The following COL6A6 variants were observed in gnomAD, a reference collection of about 807,000 sequenced individuals.
COL6A6 encodes the protein collagen alpha-6(VI) chain.
COL6A6 carries 183 observed loss-of-function variants against 208.6 expected under a neutral mutation model. The observed-to-expected ratio is 0.88, with a 90% confidence interval of 0.78 to 0.99. The LOEUF is 0.99. Among genes scored for constraint, COL6A6 ranks in the 50% least tolerant of loss-of-function variants. The probability of loss-of-function intolerance (pLI) is 0.00; values close to 1 mark genes in which losing one functional copy is unlikely to be tolerated. For missense variants in COL6A6, 2,816 were observed against 2,815.2 expected, an observed-to-expected ratio of 1.00 and a Z score of -0.01; for synonymous variants, 973 against 1,011.8, an observed-to-expected ratio of 0.96 and a Z score of 0.73.
Position 130,592,616 on chromosome 3 carries a change from A to G in COL6A6, c.4344+4A>G. ...CTATGGCACCAAAGGTCCTAAGGTA[A>G]GGATTGCATAAGAGTGTGGAGTTTT... On this transcript the variant is annotated splice_donor_region_variant and intron_variant, in intron 14 of 36. Transcript: ENST00000358511. The G allele has an allele frequency of 3.1e-6, 5 of 1,613,528 alleles. No individual in the cohort carries two copies. The highest frequency in any genetic ancestry group is 3.4e-6 in the Non-Finnish European group (4 of 1,179,514).
At chr3:130,559,210 T>A (rs1169322662) in intron 1 of COL6A6, among the ~76,000 whole-genome samples, 1 of 152,210 alleles carries the variant, frequency 6.6e-6, no homozygotes, top group Non-Finnish European at 1.5e-5. Flanking sequence ...CTTCGGGAAA[T>A]CCACTTTGGG....
chr3:130,533,969 C>T (rs1459544964), intron 1 of COL6A6, among the ~76,000 whole-genome samples: 3 of 152,320 alleles, frequency 2.0e-5, no homozygotes, highest in African/African-American at 7.2e-5. Context: ...TTAACCTCTG[C>T]ATGAACATTA....
At chr3:130,538,231 AGG>A (rs36119863) in intron 1 of COL6A6, among the ~76,000 whole-genome samples, 3 of 152,336 alleles carry the variant, frequency 2.0e-5, no homozygotes, top group Non-Finnish European at 2.9e-5. Flanking sequence ...CCTACTTTAC[AGG>A]GGTACTCTCA....
chr3:130,671,741 TGTA>T (rs1469644200), intron 36 of COL6A6, among the ~76,000 whole-genome samples: 1 of 152,192 alleles, frequency 6.6e-6, no homozygotes, highest in African/African-American at 2.4e-5. Context: ...GAGAAATACA[TGTA>T]GAAGCTGGTG....
chr3:130,631,225 C>T (rs1450715823), intron 26 of COL6A6, among the ~76,000 whole-genome samples: 2 of 89,694 alleles, frequency 2.2e-5, no homozygotes, highest in South Asian at 3.7e-4. Context: ...ATATCACCAC[C>T]GATCCCACAG....
chr3:130,640,982 A>T (rs1262468959), intron 28 of COL6A6, among the ~76,000 whole-genome samples: 1 of 152,228 alleles, frequency 6.6e-6, no homozygotes, highest in Non-Finnish European at 1.5e-5. Flanking sequence ...TTATGCATAT[A>T]ACTTTATAAT....
At chr3:130,649,696 ATAAG>A in intron 33 of COL6A6, 134 bp downstream of exon 33, 2 of 905,996 alleles carry the variant, frequency 2.2e-6, no homozygotes, top group Non-Finnish European at 3.2e-6. Context: ...GCAGAGTAGA[ATAAG>A]TATTTCTTAC....
rs147239987 is a variant in COL6A6, at chr3:130,590,907, T to C, written c.4219-134T>C. 4.7e-4 allele frequency: 326 copies of C among 698,846 alleles called. 4 individuals are homozygous for C. In the East Asian group the frequency reaches 8.5e-3, roughly 18 times the overall value. The allele number at this position is 698,846 out of a possible 1,614,324, so 43.3% of individuals were successfully genotyped here. A position where few individuals can be genotyped will look rare whatever the true frequency, so the allele number is the denominator to read the frequency against. ...TTTATGTGTGTAAATGCAACCTACA[T>C]TGGGAAGGAAGGACCATTTTTTTCA... On this transcript the variant is annotated intron_variant, in intron 12 of 36. Transcript: ENST00000358511.
chr3:130,589,204 G>T, intron 12 of COL6A6, 22 bp downstream of exon 12: 1 of 1,566,522 alleles, frequency 6.4e-7, no homozygotes, highest in Non-Finnish European at 8.8e-7. Flanking sequence ...TCAGATTTAT[G>T]GGTTACTTTG....
At chr3:130,663,773 T>C (rs1019058246) in intron 35 of COL6A6, among the ~76,000 whole-genome samples, 1 of 152,122 alleles carries the variant, frequency 6.6e-6, no homozygotes, top group African/African-American at 2.4e-5. Context: ...AAAAAGTACT[T>C]AGGGTACATG....
intron 1 of COL6A6, among the ~76,000 whole-genome samples, chr3:130,533,718 T>G (rs2062160301): frequency 6.6e-6 from 1 of 152,214 alleles, no homozygotes; most frequent in Non-Finnish European, 1.5e-5. Context: ...GCTTAAACAC[T>G]TGGTATTTTG....
intron 10 of COL6A6, among the ~76,000 whole-genome samples, chr3:130,584,304 G>C (rs1455733377): frequency 6.6e-6 from 1 of 152,030 alleles, no homozygotes; most frequent in Non-Finnish European, 1.5e-5. Context: ...CATTTCCTGG[G>C]TATTATAAGA....
chr3:130,536,826 A>G (rs1035292958), intron 1 of COL6A6, among the ~76,000 whole-genome samples: 4 of 152,244 alleles, frequency 2.6e-5, no homozygotes, highest in African/African-American at 7.2e-5. Context: ...GTTTAAAATG[A>G]AGCACACTTG....
intron 33 of COL6A6, among the ~76,000 whole-genome samples, chr3:130,658,232 G>C (rs1362336036): frequency 6.6e-6 from 1 of 152,198 alleles, no homozygotes; most frequent in Non-Finnish European, 1.5e-5. Flanking sequence ...AATGGCTTCA[G>C]TGTCTTTTGA....
chr3:130,542,898 C>CTTTTTTTTT (rs56339748), intron 1 of COL6A6, among the ~76,000 whole-genome samples: 15 of 92,600 alleles, frequency 1.6e-4, no homozygotes, highest in African/African-American at 6.2e-4. Flanking sequence ...TCCATTCACT[C>CTTTTTTTTT]TTTTTTTTTT....
chr3:130,649,504 A>G lies in COL6A6; in HGVS notation c.5675A>G (p.Glu1892Gly). 1 of 1,606,498 alleles carries G rather than the reference A, an allele frequency of 6.2e-7. No homozygotes were observed. The highest frequency in any genetic ancestry group is 1.3e-5 in the African/African-American group (1 of 74,950). ...GCTGCCATGGAGTTCGGCGCGCTTG[A>G]AATCATTCCCGTGGTGATCACTTTC... is the stretch of plus-strand genomic sequence containing the variant. ...TTAAMEFGALEIIPVVITFSN... is the reference protein window; with the variant it reads ...TTAAMEFGALGIIPVVITFSN... The change falls in exon 33 of 37, where the codon GAA becomes GGA. Residue 1892 changes from glutamate (E) to glycine (G), a missense_variant. Glu to Gly is a moderately conservative substitution (Grantham distance 98). Transcript: ENST00000358511.
chr3:130,554,719 TCTTC>T (rs1559982302), intron 1 of COL6A6, among the ~76,000 whole-genome samples: 1 of 151,924 alleles, frequency 6.6e-6, no homozygotes, highest in Non-Finnish European at 1.5e-5. Context: ...GGAGGTGAGG[TCTTC>T]TCATGTGCAT....
rs777327668 is a variant in COL6A6 at position 130,560,389 on chromosome 3, G to T, written c.25G>T (p.Val9Leu). The T allele has an allele frequency of 1.2e-6, 2 of 1,611,332 alleles. No individual in the cohort carries two copies. Among genetic ancestry groups the T allele is most frequent in the Non-Finnish European group, 1.7e-6 (2 of 1,178,966 alleles). ...TATGATGTTGCTAATTTTGTTCCTC[G>T]TGATAATTTGTTCCCATATTTCTGT... The part of the protein sequence containing the change: MMLLILFL[V>L]IICSHISVNQ... Residue 9 changes from valine to leucine, a missense_variant, in exon 2 of 37, where the codon GTG (valine) becomes TTG (leucine). Transcript: ENST00000358511.
intron 2 of COL6A6, among the ~76,000 whole-genome samples, chr3:130,562,528 CTG>C (rs2062916817): frequency 6.6e-6 from 1 of 152,150 alleles, no homozygotes; most frequent in South Asian, 2.1e-4. Flanking sequence ...CTTAATGTGA[CTG>C]TTTGGAATGT....
Sources: allele counts gnomAD v4.1 joint callset (sites outside exome capture counted in the v4.1 genomes callset), GRCh38; gene constraint gnomAD v4.1.1; transcripts MANE v1.5; gene names NCBI Gene and HGNC (gene_info 2026-07-23, HGNC 2026-07-21).